The following PARM1 variants were observed in gnomAD, a reference collection of about 807,000 sequenced individuals.
The protein encoded by PARM1 is WSC4, cell wall integrity and stress response component 4 homolog.
A neutral mutation model predicts 24.6 loss-of-function variants in PARM1; 14 were observed. The ratio of observed to expected loss-of-function variants is 0.57; its 90% CI spans 0.38 to 0.89. PARM1 has a LOEUF of 0.89. Ranked by LOEUF, PARM1 falls within the 40% of genes least tolerant of loss-of-function variation. The probability of loss-of-function intolerance (pLI) is 0.00; values close to 1 mark genes in which losing one functional copy is unlikely to be tolerated. For synonymous variants in PARM1, 179 were observed against 156.6 expected (o/e 1.14, Z -1.07); for missense variants, 362 against 380.4 (o/e 0.95, Z 0.40).
Position 75,012,840 on chromosome 4 carries a change from T to C in PARM1, c.459T>C (p.Ala153=). 1.9e-6 allele frequency: 3 copies of C among 1,613,782 alleles called. No individual in the cohort carries two copies. Among genetic ancestry groups the C allele is most frequent in the Non-Finnish European group, 2.5e-6 (3 of 1,179,820 alleles). The change falls in exon 2 of 4, where the codon GCT becomes GCC. Residue 153 remains alanine, a synonymous_variant. Coordinates refer to ENST00000307428, the MANE Select transcript of PARM1 (RefSeq NM_015393.4). ...CTCCCACACTCATCTCCCCTCAAGC[T>C]CCAGCCTCATCACCCTCATCCCTAT... ...AEPPTLISPQ[A]PASSPSSLST... is the part of the protein sequence containing the mutation.
intron 1 of PARM1, among the ~76,000 whole-genome samples, chr4:74,958,327 T>C (rs1394831324): frequency 2.0e-5 from 3 of 152,172 alleles, no homozygotes; most frequent in South Asian, 4.1e-4. Context: ...ACTAACAGTC[T>C]GGTGGGGGGC....
chr4:74,942,070 C>T (rs1038160353), intron 1 of PARM1, among the ~76,000 whole-genome samples: 3 of 152,156 alleles, frequency 2.0e-5, no homozygotes, highest in East Asian at 1.9e-4. Flanking sequence ...ACCTAGAGTG[C>T]CATGGGACTA....
chr4:74,985,050 A>G (rs1722326656), intron 1 of PARM1, among the ~76,000 whole-genome samples: 2 of 152,192 alleles, frequency 1.3e-5, no homozygotes, highest in Admixed American at 1.3e-4. Context: ...AGACAATGAG[A>G]TTCAATAGAT....
Position 74,959,256 on chromosome 4 carries a change from TC to T in PARM1, c.43+25893del, listed in dbSNP as rs563267718. ...AGAAATTGATATAAAGCTCTTATCC[TC>T]CCCCCCATCACTATTTTACAAATAT... On this transcript the variant is annotated intron_variant, in intron 1 of 3. Coordinates refer to ENST00000307428, the MANE Select transcript of PARM1 (RefSeq NM_015393.4). Among the ~76,000 whole-genome samples, 30 of 152,154 alleles carry T rather than the reference TC, an allele frequency of 2.0e-4. No homozygotes were observed. In the South Asian group the frequency reaches 5.6e-3, roughly 28 times the overall value.
At chr4:75,038,814 A>C (rs1188220198) in intron 3 of PARM1, among the ~76,000 whole-genome samples, 4 of 152,184 alleles carry the variant, frequency 2.6e-5, no homozygotes, top group African/African-American at 9.7e-5. Context: ...TTGGCTCAAA[A>C]CTGTTCAGCC....
chr4:74,962,501 A>G (rs955266802), intron 1 of PARM1, among the ~76,000 whole-genome samples: 2 of 152,176 alleles, frequency 1.3e-5, no homozygotes, highest in Admixed American at 6.5e-5. Flanking sequence ...CAGTCAAAAA[A>G]CAGAATGAGA....
Position 75,047,823 on chromosome 4 carries a change from C to T in PARM1, c.*1576C>T, listed in dbSNP as rs1213432375. 1 of 152,160 alleles carries T rather than the reference C, an allele frequency of 6.6e-6. No homozygotes were observed. The highest frequency in any genetic ancestry group is 1.5e-5 in the Non-Finnish European group (1 of 68,028). 9.4% of individuals were successfully genotyped at this position (152,160 alleles called of 1,614,324 possible). A position where few individuals can be genotyped will look rare whatever the true frequency, so the allele number is the denominator to read the frequency against. The stretch of plus-strand genomic sequence containing the variant: ...ATTTCCAAAGTGTTTAGTTTATTGG[C>T]TGATGGGTTGTTCTTGGTATGCATG... On this transcript the variant is annotated 3_prime_UTR_variant, in exon 4 of 4. Coordinates refer to ENST00000307428, the MANE Select transcript of PARM1 (RefSeq NM_015393.4).
chr4:75,041,707 C>T (rs1723488855), intron 3 of PARM1, among the ~76,000 whole-genome samples: 1 of 152,148 alleles, frequency 6.6e-6, no homozygotes, highest in Non-Finnish European at 1.5e-5. Flanking sequence ...AATGTCACCA[C>T]ATCATTTACC....
Position 74,960,629 on chromosome 4 carries a change from A to G in PARM1, c.43+27259A>G, listed in dbSNP as rs374404652. 7.9e-5 allele frequency among the ~76,000 whole-genome samples: 12 copies of G among 152,270 alleles called. No individual in the cohort carries two copies. In the East Asian group the frequency reaches 2.1e-3, roughly 27 times the overall value. On this transcript the variant is annotated intron_variant, in intron 1 of 3. Coordinates refer to ENST00000307428, the MANE Select transcript of PARM1 (RefSeq NM_015393.4). ...ACAACAAAAATCACAAGACACAAAA[A>G]CATAGGAAAGTATGTGTGGCCCATT...
At chr4:74,959,695 T>C (rs1721724532) in intron 1 of PARM1, among the ~76,000 whole-genome samples, 1 of 152,234 alleles carries the variant, frequency 6.6e-6, no homozygotes, top group Admixed American at 6.5e-5. Context: ...ATTATTAATT[T>C]TTGTTACTTT....
chr4:75,037,147 A>C (rs982353412), intron 3 of PARM1, among the ~76,000 whole-genome samples: 2 of 152,198 alleles, frequency 1.3e-5, no homozygotes, highest in African/African-American at 4.8e-5. Flanking sequence ...GTATGTTCCT[A>C]AGGATAGGCT....
At chr4:75,021,675 G>A (rs796683959) in intron 2 of PARM1, among the ~76,000 whole-genome samples, 4 of 151,876 alleles carry the variant, frequency 2.6e-5, no homozygotes, top group African/African-American at 4.8e-5. Flanking sequence ...ACGTATACTC[G>A]AGGTTTACCT....
chr4:74,968,508 C>T (rs1022134354), intron 1 of PARM1, among the ~76,000 whole-genome samples: 28 of 152,164 alleles, frequency 1.8e-4, no homozygotes, highest in African/African-American at 6.0e-4. Flanking sequence ...TTACATGTCA[C>T]ACCCTGGTTA....
chr4:75,007,621 A>C (rs1458241958), intron 1 of PARM1, among the ~76,000 whole-genome samples: 1 of 152,112 alleles, frequency 6.6e-6, no homozygotes, highest in Admixed American at 6.6e-5. Context: ...GAAAGGCTAC[A>C]TTCTTACTGG....
intron 1 of PARM1, among the ~76,000 whole-genome samples, chr4:74,964,324 T>C (rs1378771748): frequency 6.6e-6 from 1 of 152,202 alleles, no homozygotes; most frequent in Non-Finnish European, 1.5e-5. Context: ...GCCTGCATGA[T>C]TGATGAGGTC....
chr4:75,012,936 AC>A lies in PARM1; in HGVS notation c.558del (p.Thr187LeufsTer43). 1.2e-6 allele frequency: 2 copies of A among 1,613,828 alleles called. No individual in the cohort carries two copies. The highest frequency in any genetic ancestry group is 1.7e-6 in the Non-Finnish European group (2 of 1,179,852). ...ATAGCTCCACTGTGACCAGCACCCA[AC>A]CCACTGGAGCTCCAACTGCACCAGA... Reference protein sequence around the residue: ...NHSSTVTSTQPTGAPTAPESP... With the variant: ...NHSSTVTSTQXTGAPTAPESP... On this transcript the variant is annotated frameshift_variant, in exon 2 of 4. Coordinates refer to ENST00000307428, the MANE Select transcript of PARM1 (RefSeq NM_015393.4). LOFTEE classifies it high-confidence loss of function.
intron 3 of PARM1, among the ~76,000 whole-genome samples, chr4:75,036,965 C>A (rs1268669477): frequency 1.3e-5 from 2 of 151,998 alleles, no homozygotes; most frequent in African/African-American, 4.8e-5. Context: ...AAGGAAAGCC[C>A]CTTTCTGCTT....
chr4:74,942,290 A>AT (rs1318931024), intron 1 of PARM1, among the ~76,000 whole-genome samples: 1 of 152,212 alleles, frequency 6.6e-6, no homozygotes, highest in African/African-American at 2.4e-5. Flanking sequence ...CATTCAGTTA[A>AT]TTTTTAATTG....
intron 2 of PARM1, among the ~76,000 whole-genome samples, chr4:75,023,273 G>A (rs1674794450): frequency 6.6e-6 from 1 of 152,326 alleles, no homozygotes; most frequent in African/African-American, 2.4e-5. Context: ...TGGGAGAATT[G>A]AGCAAGTTTA....
Sources: allele counts gnomAD v4.1 joint callset (sites outside exome capture counted in the v4.1 genomes callset), GRCh38; gene constraint gnomAD v4.1.1; transcripts MANE v1.5; gene names NCBI Gene and HGNC (gene_info 2026-07-23, HGNC 2026-07-21).